The following FBXL20 variants were observed in gnomAD, a reference collection of about 807,000 sequenced individuals.
The protein encoded by FBXL20 is F-box and leucine rich repeat protein 20.
FBXL20 carries 11 observed loss-of-function variants against 64.0 expected under a neutral mutation model. The observed-to-expected ratio is 0.17, with a 90% confidence interval of 0.11 to 0.28. The LOEUF (loss-of-function observed/expected upper bound fraction) is 0.28. Among genes scored for constraint, FBXL20 ranks in the 10% least tolerant of loss-of-function variants. The probability of loss-of-function intolerance (pLI) is 1.00; values close to 1 mark genes in which losing one functional copy is unlikely to be tolerated. For synonymous variants in FBXL20, 184 were observed against 189.0 expected (o/e 0.97, Z 0.22); for missense variants, 303 against 526.2 (o/e 0.58, Z 4.15).
At chr17:39,383,868 G>A (rs75586034) in intron 1 of FBXL20, among the ~76,000 whole-genome samples, 1 of 151,920 alleles carries the variant, frequency 6.6e-6, no homozygotes, top group Non-Finnish European at 1.5e-5. Context: ...GGGATTACAG[G>A]CGTGAGCCAC....
intron 2 of FBXL20, among the ~76,000 whole-genome samples, chr17:39,336,595 G>A (rs911366476): frequency 2.0e-5 from 3 of 152,158 alleles, no homozygotes; most frequent in Non-Finnish European, 4.4e-5. Flanking sequence ...GGAGGCCAAG[G>A]TGGGTAAATT....
chr17:39,380,609 C>T (rs13341996), intron 1 of FBXL20, among the ~76,000 whole-genome samples: 57,563 of 151,978 alleles, frequency 0.38, 13,958 homozygotes, highest in African/African-American at 0.69. Flanking sequence ...CCCTTCCCCC[C>T]TTTCCTGCCC....
intron 6 of FBXL20, among the ~76,000 whole-genome samples, chr17:39,296,713 T>C (rs2047089545): frequency 6.6e-6 from 1 of 152,158 alleles, no homozygotes; most frequent in African/African-American, 2.4e-5. Flanking sequence ...ACAGCACATT[T>C]AGTGAATCAT....
At chr17:39,360,029 TATG>T (rs769244024) in intron 1 of FBXL20, among the ~76,000 whole-genome samples, 12 of 152,274 alleles carry the variant, frequency 7.9e-5, no homozygotes, top group Non-Finnish European at 2.9e-5. Context: ...TATGTTGTTT[TATG>T]ATTATATAAA....
At position 39,256,251 on chromosome 17, in the gene FBXL20, G is replaced by A. The variant is rs2046694435; in HGVS notation, c.*5209C>T. ...CAGAAGAATCACTTGAACCCAGGAG[G>A]CAGAGGTTGCAGTGAACTGAGATTG... is the stretch of plus-strand genomic sequence containing the variant. On this transcript the variant is annotated 3_prime_UTR_variant, in exon 15 of 15. Transcript: ENST00000264658. The A allele has an allele frequency of 6.6e-6, 1 of 151,266 alleles. No homozygotes were observed. The allele number at this position is 151,266 out of a possible 1,614,324, so 9.4% of individuals were successfully genotyped here. A position where few individuals can be genotyped will look rare whatever the true frequency, so the allele number is the denominator to read the frequency against.
At position 39,282,976 on chromosome 17, in the gene FBXL20, A is replaced by G. The variant is rs1348605941; in HGVS notation, c.495-121T>C. ...ACATTCCCATTTTTTCCCACAAGAA[A>G]AAACATATTTACCTAATGTATATTT... On this transcript the variant is annotated intron_variant, in intron 7 of 14. Coordinates refer to ENST00000264658, the MANE Select transcript of FBXL20 (RefSeq NM_032875.3). The G allele has an allele frequency of 1.2e-5, 14 of 1,142,346 alleles. No individual in the cohort carries two copies. In the East Asian group the frequency reaches 2.4e-4, roughly 20 times the overall value. 70.8% of individuals were successfully genotyped at this position (1,142,346 alleles called of 1,614,324 possible).
chr17:39,355,438 C>G (rs1567893699), intron 1 of FBXL20, among the ~76,000 whole-genome samples: 1 of 152,258 alleles, frequency 6.6e-6, no homozygotes, highest in South Asian at 2.1e-4. Context: ...TTTGCAAATA[C>G]TTTCTCCCAT....
chr17:39,273,405 T>A (rs1230796754), intron 10 of FBXL20, among the ~76,000 whole-genome samples: 1 of 152,210 alleles, frequency 6.6e-6, no homozygotes, highest in Non-Finnish European at 1.5e-5. Context: ...GATTATTATA[T>A]GTAAGAAAAG....
At chr17:39,299,959 T>C (rs1028616875) in intron 4 of FBXL20, among the ~76,000 whole-genome samples, 6 of 151,956 alleles carry the variant, frequency 3.9e-5, no homozygotes, top group Non-Finnish European at 8.8e-5. Context: ...TAGCCGGGCA[T>C]GGTGGCTCAC....
chr17:39,392,064 G>A (rs1160897957), intron 1 of FBXL20, among the ~76,000 whole-genome samples: 1 of 152,132 alleles, frequency 6.6e-6, no homozygotes, highest in Non-Finnish European at 1.5e-5. Flanking sequence ...ATGAACGCAG[G>A]AGGTGGAGGC....
At chr17:39,376,271 T>C (rs1333820275) in intron 1 of FBXL20, among the ~76,000 whole-genome samples, 1 of 152,204 alleles carries the variant, frequency 6.6e-6, no homozygotes, top group Non-Finnish European at 1.5e-5. Flanking sequence ...CTTTATATTG[T>C]CTCAGAACTG....
intron 1 of FBXL20, among the ~76,000 whole-genome samples, chr17:39,367,698 G>T (rs975000345): frequency 1.3e-5 from 2 of 151,748 alleles, no homozygotes; most frequent in African/African-American, 4.8e-5. Flanking sequence ...ATTCTTTTTG[G>T]GGGACAGAGG....
intron 1 of FBXL20, among the ~76,000 whole-genome samples, chr17:39,396,066 T>C (rs1216208368): frequency 4.2e-5 from 5 of 119,812 alleles, no homozygotes; most frequent in Non-Finnish European, 8.5e-5. Context: ...ATTAAAAGAC[T>C]TTTCGAAAAA....
At chr17:39,284,720 G>T (rs941591885) in intron 7 of FBXL20, among the ~76,000 whole-genome samples, 6 of 151,932 alleles carry the variant, frequency 3.9e-5, no homozygotes, top group African/African-American at 1.5e-4. Flanking sequence ...TATTCATTAG[G>T]TTGAGCCACA....
intron 1 of FBXL20, among the ~76,000 whole-genome samples, chr17:39,378,392 C>T (rs1415655973): frequency 6.6e-6 from 1 of 151,980 alleles, no homozygotes; most frequent in Non-Finnish European, 1.5e-5. Flanking sequence ...GAAGATTGAG[C>T]ATAGAAGTTT....
chr17:39,267,630 A>C (rs2046803816), intron 12 of FBXL20, among the ~76,000 whole-genome samples: 1 of 152,242 alleles, frequency 6.6e-6, no homozygotes, highest in African/African-American at 2.4e-5. Context: ...TTAACCAAGA[A>C]TATTCAGGTA....
At position 39,268,849 on chromosome 17, in the gene FBXL20, A is replaced by G; in HGVS notation, c.911T>C (p.Met304Thr). ...TACCTGAACACACTCTTCCAGGTCC[A>G]TCTTTTCAAGTTCATGGCAATTCTA... ...LARNCHELEK[M>T]DLEECVQITD... is the part of the protein sequence containing the mutation. Residue 304 changes from methionine to threonine, a missense_variant, in exon 12 of 15, where the codon ATG (methionine) becomes ACG (threonine). Coordinates refer to ENST00000264658, the MANE Select transcript of FBXL20 (RefSeq NM_032875.3). 1 of 1,613,964 alleles carries G rather than the reference A, an allele frequency of 6.2e-7. No homozygotes were observed. Among genetic ancestry groups the G allele is most frequent in the Non-Finnish European group, 8.5e-7 (1 of 1,179,910 alleles).
At chr17:39,366,054 A>G (rs887515198) in intron 1 of FBXL20, among the ~76,000 whole-genome samples, 1 of 152,098 alleles carries the variant, frequency 6.6e-6, no homozygotes, top group African/African-American at 2.4e-5. Context: ...GGCTATTCAC[A>G]GGAGCGATCA....
At chr17:39,343,799 G>A (rs900007183) in intron 1 of FBXL20, among the ~76,000 whole-genome samples, 6 of 151,422 alleles carry the variant, frequency 4.0e-5, no homozygotes, top group Admixed American at 6.6e-5. Context: ...AGGTTCAAGC[G>A]ATTCTCCTGC....
Sources: allele counts gnomAD v4.1 joint callset (sites outside exome capture counted in the v4.1 genomes callset), GRCh38; gene constraint gnomAD v4.1.1; transcripts MANE v1.5; gene names NCBI Gene and HGNC (gene_info 2026-07-23, HGNC 2026-07-21).